Variants in VTI1A observed in about 807,000 individuals in gnomAD.
The protein encoded by VTI1A is vesicle transport through interaction with t-SNAREs 1A, also known as vesicle transport through interaction with t-SNAREs homolog 1A.
A neutral mutation model predicts 34.9 loss-of-function variants in VTI1A; 22 were observed. That is an observed-to-expected ratio of 0.63 (90% CI 0.45 to 0.90). The LOEUF is 0.90. Among genes scored for constraint, VTI1A ranks in the 40% least tolerant of loss-of-function variants. VTI1A has a pLI of 0.00. For synonymous variants in VTI1A, 87 were observed against 97.3 expected, an observed-to-expected ratio of 0.89 and a Z score of 0.62; for missense variants, 268 against 275.6, an observed-to-expected ratio of 0.97 and a Z score of 0.20.
intron 3 of VTI1A, among the ~76,000 whole-genome samples, chr10:112,521,192 A>T (rs954815025): frequency 3.3e-5 from 5 of 152,076 alleles, no homozygotes; most frequent in African/African-American, 1.2e-4. Context: ...TACATAGAAG[A>T]AACAGATTGG....
At chr10:112,700,169 A>G (rs143210952) in intron 7 of VTI1A, among the ~76,000 whole-genome samples, 1 of 151,914 alleles carries the variant, frequency 6.6e-6, no homozygotes, top group African/African-American at 2.4e-5. Flanking sequence ...CGGAGGTAAA[A>G]CATTATCCCC....
chr10:112,830,847 A>ATTTTTTTTTTTTTT, the VTI1A span, among the ~76,000 whole-genome samples: 3 of 31,002 alleles, frequency 9.7e-5, no homozygotes, highest in African/African-American at 5.3e-4. Flanking sequence ...ATATATATAT[A>ATTTTTTTTTTTTTT]TATTTTTTTT....
At chr10:112,801,271 C>A (rs1336853473) in intron 7 of VTI1A, among the ~76,000 whole-genome samples, 1 of 152,172 alleles carries the variant, frequency 6.6e-6, no homozygotes, top group Non-Finnish European at 1.5e-5. Context: ...CTTTCGGCCA[C>A]CTCTGGAGTG....
intron 5 of VTI1A, among the ~76,000 whole-genome samples, chr10:112,567,583 C>T (rs1482074973): frequency 6.6e-6 from 1 of 152,072 alleles, no homozygotes; most frequent in Non-Finnish European, 1.5e-5. Context: ...GCCTTTTTCT[C>T]ATAGTAAATA....
At chr10:112,566,892 T>C (rs914881272) in intron 5 of VTI1A, among the ~76,000 whole-genome samples, 2 of 152,190 alleles carry the variant, frequency 1.3e-5, no homozygotes, top group African/African-American at 4.8e-5. Flanking sequence ...CCAATGTTTA[T>C]ATTGTTGCTA....
intron 7 of VTI1A, among the ~76,000 whole-genome samples, chr10:112,709,682 CTTTTTTTTTTT>C (rs57081938): frequency 5.5e-4 from 39 of 70,284 alleles, no homozygotes; most frequent in African/African-American, 2.1e-3. Flanking sequence ...CTCTATGTGG[CTTTTTTTTTTT>C]TTTTTTTTTT....
intron 5 of VTI1A, among the ~76,000 whole-genome samples, chr10:112,568,792 C>T (rs1484636868): frequency 6.6e-6 from 1 of 152,146 alleles, no homozygotes; most frequent in Non-Finnish European, 1.5e-5. Context: ...TTTCCCCCCA[C>T]TTTCTGTAAC....
At chr10:112,607,083 TCGAGAC>T (rs1395624739) in intron 5 of VTI1A, among the ~76,000 whole-genome samples, 1 of 152,038 alleles carries the variant, frequency 6.6e-6, no homozygotes, top group African/African-American at 2.4e-5. Flanking sequence ...GGTCAGGAGT[TCGAGAC>T]CAGCCTGGCC....
intron 7 of VTI1A, among the ~76,000 whole-genome samples, chr10:112,750,169 CTT>C (rs565737346): frequency 6.9e-6 from 1 of 145,404 alleles, no homozygotes; most frequent in Admixed American, 6.9e-5. Context: ...AAGAGACTGA[CTT>C]TTTTTTTTTT....
intron 4 of VTI1A, chr10:112,533,483 T>A: frequency 1.0e-6 from 1 of 1,001,106 alleles, no homozygotes; most frequent in Non-Finnish European, 1.2e-6. Context: ...CTTTCTTTCC[T>A]GCCATTTCTT....
At chr10:112,465,718 T>G (rs1020275461) in intron 3 of VTI1A, among the ~76,000 whole-genome samples, 8 of 151,872 alleles carry the variant, frequency 5.3e-5, no homozygotes, top group African/African-American at 1.9e-4. Flanking sequence ...GAGGGAGAAA[T>G]GGAGAGTTGT....
intron 5 of VTI1A, among the ~76,000 whole-genome samples, chr10:112,617,037 A>G (rs1845537675): frequency 1.3e-5 from 2 of 152,214 alleles, no homozygotes; most frequent in Non-Finnish European, 2.9e-5. Context: ...ATAAATCCAC[A>G]GAGACACAAC....
intron 7 of VTI1A, among the ~76,000 whole-genome samples, chr10:112,669,279 C>T (rs928707051): frequency 9.2e-5 from 14 of 152,110 alleles, no homozygotes; most frequent in African/African-American, 3.4e-4. Context: ...CTGAGGAAGG[C>T]CCCATGGGCA....
At chr10:112,493,929 G>A (rs533668943) in intron 3 of VTI1A, among the ~76,000 whole-genome samples, 8 of 152,032 alleles carry the variant, frequency 5.3e-5, no homozygotes, top group African/African-American at 1.4e-4. Flanking sequence ...TTTTCCTGTC[G>A]TATCTTTATC....
At chr10:112,725,879 C>A (rs1286177021) in intron 7 of VTI1A, among the ~76,000 whole-genome samples, 1 of 152,094 alleles carries the variant, frequency 6.6e-6, no homozygotes, top group Non-Finnish European at 1.5e-5. Flanking sequence ...TCGGTGAGAT[C>A]CCCTTCAAGT....
chr10:112,841,522 A>G, the VTI1A span, among the ~76,000 whole-genome samples: 1 of 152,176 alleles, frequency 6.6e-6, no homozygotes, highest in African/African-American at 2.4e-5. Context: ...CACCACCAAG[A>G]TGGTGCAAGG....
At chr10:112,697,020 C>T (rs1202429937) in intron 7 of VTI1A, among the ~76,000 whole-genome samples, 1 of 152,014 alleles carries the variant, frequency 6.6e-6, no homozygotes, top group Non-Finnish European at 1.5e-5. Context: ...TATTTTTTTT[C>T]TAATGATGTA....
chr10:112,574,025 A>G (rs952145467), intron 5 of VTI1A, among the ~76,000 whole-genome samples: 6 of 152,168 alleles, frequency 3.9e-5, no homozygotes, highest in African/African-American at 1.4e-4. Context: ...AGATCTCTAC[A>G]TGTTTGTAGT....
intron 5 of VTI1A, among the ~76,000 whole-genome samples, chr10:112,566,611 T>TTC: frequency 6.6e-6 from 1 of 152,262 alleles, no homozygotes; most frequent in African/African-American, 2.4e-5. Context: ...AGTGAGATAT[T>TTC]TCTCTCTACT....
Sources: gnomAD v4.1 joint callset for allele counts (sites outside exome capture counted in the v4.1 genomes callset) on GRCh38, gnomAD v4.1.1 for gene constraint, MANE v1.5 for transcripts, NCBI Gene and HGNC (gene_info 2026-07-23, HGNC 2026-07-21) for gene names.